Variants in TRPC4 observed in about 807,000 individuals in gnomAD.
The protein encoded by TRPC4 is transient receptor potential cation channel subfamily C member 4.
A neutral mutation model predicts 99.4 loss-of-function variants in TRPC4; 49 were observed. That is an observed-to-expected ratio of 0.49 (90% CI 0.39 to 0.63). The LOEUF (loss-of-function observed/expected upper bound fraction) is 0.63, where lower values mean the gene tolerates loss of function less well. Ranked by LOEUF, TRPC4 falls within the 20% of genes least tolerant of loss-of-function variation. TRPC4 has a pLI of 0.00. For missense variants in TRPC4, 898 were observed against 1,152.9 expected, an observed-to-expected ratio of 0.78 and a Z score of 3.20; for synonymous variants, 454 against 425.9, an observed-to-expected ratio of 1.07 and a Z score of -0.81.
rs182852594 is a variant in TRPC4 at position 37,697,413 on chromosome 13, A to C, written c.898-5078T>G. Reference sequence around the variant, plus strand: ...GTGGAATTTGTTAGTTAAGCCTGAAATAACAGATAGATTTCGACAGTGACA... The same window carrying C: ...GTGGAATTTGTTAGTTAAGCCTGAACTAACAGATAGATTTCGACAGTGACA... On this transcript the variant is annotated intron_variant, in intron 3 of 10. Transcript: ENST00000379705. Among the ~76,000 whole-genome samples, 183 of 152,326 alleles carry C rather than the reference A, an allele frequency of 1.2e-3. 2 individuals are homozygous for C. Among genetic ancestry groups the C allele is most frequent in the African/African-American group, 4.2e-3 (174 of 41,566 alleles).
At chr13:37,854,380 G>C (rs1368250044) in intron 1 of TRPC4, among the ~76,000 whole-genome samples, 3 of 152,018 alleles carry the variant, frequency 2.0e-5, no homozygotes, top group Non-Finnish European at 2.9e-5. Context: ...ACAAACAAAA[G>C]CTGAGGGATT....
intron 2 of TRPC4, among the ~76,000 whole-genome samples, chr13:37,767,360 A>G (rs1050081061): frequency 2.0e-5 from 3 of 151,232 alleles, no homozygotes; most frequent in Non-Finnish European, 4.4e-5. Flanking sequence ...ATATATCTAT[A>G]TATACACAGA....
chr13:37,637,445 CA>C lies in TRPC4; in HGVS notation c.2391del (p.Phe797LeufsTer3). 2 of 1,613,538 alleles carry C rather than the reference CA, an allele frequency of 1.2e-6. No homozygotes were observed. The highest frequency in any genetic ancestry group is 1.7e-6 in the Non-Finnish European group (2 of 1,179,758). ...CTCGGATGAATCAGGGTGGTTAAAT[CA>C]AAAAGGCTGAAATTCTTTTTCTTGT... ...SKDKKKNFSLFDLTTLIHPRS... is the reference protein window; with the variant it reads ...SKDKKKNFSLXDLTTLIHPRS... On this transcript the variant is annotated frameshift_variant, in exon 11 of 11. Transcript: ENST00000379705. LOFTEE classifies it high-confidence loss of function.
chr13:37,855,293 G>GTA (rs1404495193), intron 1 of TRPC4, among the ~76,000 whole-genome samples: 292 of 129,696 alleles, frequency 2.3e-3, no homozygotes, highest in African/African-American at 9.0e-3. Flanking sequence ...AGGATACAAT[G>GTA]TAGATATATA....
intron 3 of TRPC4, among the ~76,000 whole-genome samples, chr13:37,714,463 C>T (rs1566115991): frequency 6.6e-6 from 1 of 152,194 alleles, no homozygotes; most frequent in Non-Finnish European, 1.5e-5. Context: ...ACTTGCCCCA[C>T]TCTATTCTAA....
chr13:37,822,300 G>A (rs1054992745), intron 1 of TRPC4, among the ~76,000 whole-genome samples: 2 of 151,758 alleles, frequency 1.3e-5, no homozygotes, highest in African/African-American at 4.8e-5. Context: ...TATACTTTAA[G>A]TTTTAGGGTA....
chr13:37,755,941 T>C (rs977555843), intron 2 of TRPC4, among the ~76,000 whole-genome samples: 9 of 152,120 alleles, frequency 5.9e-5, no homozygotes, highest in Non-Finnish European at 1.3e-4. Flanking sequence ...AGCATCATTG[T>C]TTTACTCTAA....
intron 1 of TRPC4, among the ~76,000 whole-genome samples, chr13:37,804,612 A>G (rs2139444650): frequency 6.6e-6 from 1 of 152,266 alleles, no homozygotes; most frequent in African/African-American, 2.4e-5. Context: ...GTGAATCTAT[A>G]ATAACAACAA....
intron 2 of TRPC4, among the ~76,000 whole-genome samples, chr13:37,782,328 A>G (rs1188078077): frequency 6.6e-6 from 1 of 152,096 alleles, no homozygotes; most frequent in Admixed American, 6.6e-5. Flanking sequence ...TTCTGTTGAT[A>G]CCTATAAGGT....
intron 1 of TRPC4, among the ~76,000 whole-genome samples, chr13:37,837,673 G>C (rs112459020): frequency 0.037 from 5,692 of 152,214 alleles, 372 homozygotes; most frequent in African/African-American, 0.13. Context: ...TAGGTGGAAG[G>C]GACTTGTCTT....
chr13:37,698,253 C>T (rs368091665), intron 3 of TRPC4, among the ~76,000 whole-genome samples: 4 of 141,404 alleles, frequency 2.8e-5, no homozygotes, highest in Non-Finnish European at 6.0e-5. Context: ...CTCTGCCTCC[C>T]GGGTTCTTGC....
At chr13:37,806,826 C>T (rs983650296) in intron 1 of TRPC4, among the ~76,000 whole-genome samples, 7 of 152,146 alleles carry the variant, frequency 4.6e-5, no homozygotes, top group South Asian at 2.1e-4. Context: ...ACTAGTGTCA[C>T]GTCCAAACAT....
intron 1 of TRPC4, among the ~76,000 whole-genome samples, chr13:37,842,744 C>T (rs1354839571): frequency 6.6e-6 from 1 of 152,126 alleles, no homozygotes; most frequent in African/African-American, 2.4e-5. Flanking sequence ...GCCTCACCTC[C>T]TAATACCATC....
At position 37,734,145 on chromosome 13, in the gene TRPC4, A is replaced by G. The variant is rs541485890; in HGVS notation, c.897+11792T>C. Among the ~76,000 whole-genome samples, 387 of 152,276 alleles carry G rather than the reference A, an allele frequency of 2.5e-3. 1 individual carries two copies. Among genetic ancestry groups the G allele is most frequent in the African/African-American group, 8.7e-3 (360 of 41,566 alleles). Reference sequence around the variant, plus strand: ...AATCTGCACAGAGTATTTCTTCCCCATATACCTTTTCTAACTTCTTTGTCT... The same window carrying G: ...AATCTGCACAGAGTATTTCTTCCCCGTATACCTTTTCTAACTTCTTTGTCT... On this transcript the variant is annotated intron_variant, in intron 3 of 10. Transcript: ENST00000379705.
chr13:37,822,570 T>A lies in TRPC4; in HGVS notation c.-27-39210A>T, dbSNP rs1412205349. ...TTTACTAAGAATGATGATTTCCAAT[T>A]TCATCCATGTCCCTACAAAGGACAT... On this transcript the variant is annotated intron_variant, in intron 1 of 10. Transcript: ENST00000379705. Among the ~76,000 whole-genome samples the A allele has an allele frequency of 3.3e-5, 5 of 151,750 alleles. No individual in the cohort carries two copies. The South Asian group carries it at 1.0e-3, about 32-fold the overall frequency.
At chr13:37,710,765 T>C (rs1446093205) in intron 3 of TRPC4, among the ~76,000 whole-genome samples, 1 of 151,916 alleles carries the variant, frequency 6.6e-6, no homozygotes, top group Non-Finnish European at 1.5e-5. Context: ...ATAAAATCTG[T>C]ATGACTAGAG....
In TRPC4 at chr13:37,832,829, C is replaced by G. The variant is rs1593283551; in HGVS notation, c.-28+36766G>C. ...AAAGTAAAAAGGTGGAAAGGGCACA[C>G]CATGCTAACTCTAGTCAATAGAAAA... On this transcript the variant is annotated intron_variant, in intron 1 of 10. Transcript: ENST00000379705. Among the ~76,000 whole-genome samples, 5 of 152,170 alleles carry G rather than the reference C, an allele frequency of 3.3e-5. No homozygotes were observed. The South Asian group carries it at 1.0e-3, about 32-fold the overall frequency.
rs764107733 is a variant in TRPC4, at chr13:37,637,468, T to G, written c.2369A>C (p.Lys790Thr). ...ATCAAAAAGGCTGAAATTCTTTTTC[T>G]TGTCCTTGCTATTACCTTCGCTATC... is the stretch of plus-strand genomic sequence containing the variant. ...KSDSEGNSKD[K>T]KKNFSLFDLT... Residue 790 changes from lysine to threonine, a missense_variant, in exon 11 of 11, where the codon AAG (lysine) becomes ACG (threonine). Coordinates refer to ENST00000379705, the MANE Select transcript of TRPC4 (RefSeq NM_016179.4). 1.9e-6 allele frequency: 3 copies of G among 1,613,806 alleles called. No homozygotes were observed. The highest frequency in any genetic ancestry group is 2.5e-6 in the Non-Finnish European group (3 of 1,179,810).
chr13:37,641,570 G>A (rs117711593), intron 8 of TRPC4, among the ~76,000 whole-genome samples: 12 of 152,208 alleles, frequency 7.9e-5, no homozygotes, highest in Admixed American at 4.6e-4. Flanking sequence ...TAAATTATGC[G>A]GCTGATAGAG....
Sources: gnomAD v4.1 joint callset for allele counts (sites outside exome capture counted in the v4.1 genomes callset) on GRCh38, gnomAD v4.1.1 for gene constraint, MANE v1.5 for transcripts, NCBI Gene and HGNC (gene_info 2026-07-23, HGNC 2026-07-21) for gene names.